EYS: variants seen among roughly 807,000 people sequenced by gnomAD.
EYS encodes protein eyes shut homolog.
Under a neutral mutation model 282.1 loss-of-function variants are expected in EYS, and 250 were observed. The ratio of observed to expected loss-of-function variants is 0.89; its 90% CI spans 0.80 to 0.98. The LOEUF is 0.98. Among genes scored for constraint, EYS ranks in the 50% least tolerant of loss-of-function variants. The pLI, the probability that EYS is intolerant of heterozygous loss-of-function variation, is 0.00. For missense variants in EYS, 4,016 were observed against 3,709.0 expected (o/e 1.08, Z -2.15); for synonymous variants, 1,355 against 1,282.9 (o/e 1.06, Z -1.20).
rs767666222 is a variant in EYS, at chr6:64,232,787, AATAAT to A, written c.6192-1968_6192-1964del. On this transcript the variant is annotated intron_variant, in intron 30 of 42. Coordinates refer to ENST00000503581, the MANE Select transcript of EYS (RefSeq NM_001142800.2). ...CATTATGTAACTCTTTAGTTTTATA[AATAAT>A]ATAAGTTCTAACACTTTTGATATAA... is the stretch of plus-strand genomic sequence containing the variant. Among the ~76,000 whole-genome samples the A allele has an allele frequency of 1.5e-3, 235 of 152,258 alleles. 1 individual carries two copies. Among genetic ancestry groups the A allele is most frequent in the Middle Eastern group, 3.4e-3 (1 of 294 alleles).
intron 5 of EYS, among the ~76,000 whole-genome samples, chr6:65,428,302 T>C (rs1380043847): frequency 1.3e-5 from 2 of 152,108 alleles, no homozygotes; most frequent in Non-Finnish European, 2.9e-5. Context: ...ATAAAAGCAA[T>C]GTTAAAAAGT....
At chr6:64,480,172 C>T (rs192700818) in intron 26 of EYS, among the ~76,000 whole-genome samples, 29 of 151,990 alleles carry the variant, frequency 1.9e-4, no homozygotes, top group Admixed American at 1.2e-3. Flanking sequence ...ATGTAATACT[C>T]ATTGAAGATT....
intron 24 of EYS, among the ~76,000 whole-genome samples, chr6:64,597,508 A>T (rs1766624447): frequency 6.6e-6 from 1 of 152,198 alleles, no homozygotes; most frequent in Non-Finnish European, 1.5e-5. Context: ...ATATATACAC[A>T]ATGGAATACT....
chr6:64,999,546 C>T (rs1387877039), intron 13 of EYS, among the ~76,000 whole-genome samples: 1 of 152,178 alleles, frequency 6.6e-6, no homozygotes, highest in African/African-American at 2.4e-5. Context: ...GGCACTCCTG[C>T]CTTTATGCCA....
intron 22 of EYS, among the ~76,000 whole-genome samples, chr6:64,791,248 A>C (rs2150000419): frequency 6.6e-6 from 1 of 151,998 alleles, no homozygotes; most frequent in Non-Finnish European, 1.5e-5. Context: ...GCAAGACGAA[A>C]AAATACATAC....
At chr6:65,139,223 C>T (rs1044070828) in intron 12 of EYS, among the ~76,000 whole-genome samples, 3 of 152,000 alleles carry the variant, frequency 2.0e-5, no homozygotes, top group African/African-American at 4.8e-5. Flanking sequence ...AAATGTGGTA[C>T]ACATACACCA....
chr6:64,884,905 A>G (rs538276301), intron 19 of EYS, among the ~76,000 whole-genome samples: 5 of 151,666 alleles, frequency 3.3e-5, no homozygotes, highest in Non-Finnish European at 7.4e-5. Flanking sequence ...GCTCAGTGAC[A>G]TATTAGCAGG....
At chr6:64,968,354 A>G (rs2150109778) in intron 14 of EYS, among the ~76,000 whole-genome samples, 1 of 152,314 alleles carries the variant, frequency 6.6e-6, no homozygotes, top group South Asian at 2.1e-4. Flanking sequence ...TTATATTTTC[A>G]AAACTTGTTT....
At chr6:64,744,359 G>T (rs1772481240) in intron 22 of EYS, among the ~76,000 whole-genome samples, 1 of 152,140 alleles carries the variant, frequency 6.6e-6, no homozygotes, top group Non-Finnish European at 1.5e-5. Context: ...CTTGTTTTGT[G>T]CTTCTAAGCC....
chr6:65,416,562 T>C (rs1767246144), intron 5 of EYS, among the ~76,000 whole-genome samples: 1 of 151,980 alleles, frequency 6.6e-6, no homozygotes. Flanking sequence ...AGCTCTGCTA[T>C]CCTAACAATG....
intron 40 of EYS, among the ~76,000 whole-genome samples, chr6:63,770,452 C>T (rs1469097762): frequency 6.6e-6 from 1 of 152,042 alleles, no homozygotes; most frequent in African/African-American, 2.4e-5. Context: ...AGCAAAAGCA[C>T]AGACACAAAA....
chr6:64,345,709 A>T (rs895868405), intron 29 of EYS, among the ~76,000 whole-genome samples: 2 of 152,154 alleles, frequency 1.3e-5, no homozygotes, highest in African/African-American at 4.8e-5. Flanking sequence ...ATGGGATCTA[A>T]TTAAACTAAA....
chr6:64,277,830 T>C lies in EYS; in HGVS notation c.6191+29140A>G, dbSNP rs147075076. On this transcript the variant is annotated intron_variant, in intron 30 of 42. Coordinates refer to ENST00000503581, the MANE Select transcript of EYS (RefSeq NM_001142800.2). ...ATCCTAGGCTAAAATTCTGAGCAAA[T>C]AGCATCTAGTCTAATCCATACTTTT... is the stretch of plus-strand genomic sequence containing the variant. Among the ~76,000 whole-genome samples the C allele has an allele frequency of 6.6e-3, 1,010 of 152,244 alleles. 9 individuals carry two copies. The highest frequency in any genetic ancestry group is 0.023 in the African/African-American group (953 of 41,562).
chr6:64,366,492 A>C (rs1271012006), intron 29 of EYS, among the ~76,000 whole-genome samples: 2 of 152,092 alleles, frequency 1.3e-5, no homozygotes, highest in Admixed American at 6.6e-5. Flanking sequence ...CATTTAAAAA[A>C]TTTGTCATTT....
At chr6:63,877,246 T>A (rs1160285884) in intron 35 of EYS, among the ~76,000 whole-genome samples, 1 of 152,168 alleles carries the variant, frequency 6.6e-6, no homozygotes, top group African/African-American at 2.4e-5. Flanking sequence ...TTTGGCTGGA[T>A]ATGAAATTCT....
chr6:64,359,522 T>G (rs1294390456), intron 29 of EYS, among the ~76,000 whole-genome samples: 1 of 151,678 alleles, frequency 6.6e-6, no homozygotes, highest in East Asian at 2.0e-4. Context: ...TATAACCACT[T>G]CATTAGTCCT....
At chr6:64,666,480 T>C (rs1473514693) in intron 22 of EYS, among the ~76,000 whole-genome samples, 1 of 152,232 alleles carries the variant, frequency 6.6e-6, no homozygotes, top group Non-Finnish European at 1.5e-5. Context: ...TCCCATGACA[T>C]TCCCATTCCA....
chr6:64,069,715 T>C (rs1309242234), intron 32 of EYS, among the ~76,000 whole-genome samples: 2 of 151,934 alleles, frequency 1.3e-5, no homozygotes, highest in Non-Finnish European at 2.9e-5. Context: ...ATGAAATGAG[T>C]GGTTCTCAAA....
intron 24 of EYS, among the ~76,000 whole-genome samples, chr6:64,611,655 C>T (rs934254406): frequency 2.0e-5 from 3 of 151,992 alleles, no homozygotes; most frequent in East Asian, 1.9e-4. Flanking sequence ...AAATTTCACC[C>T]GAATAAGAGC....
Sources: gnomAD v4.1 joint callset for allele counts (sites outside exome capture counted in the v4.1 genomes callset) on GRCh38, gnomAD v4.1.1 for gene constraint, MANE v1.5 for transcripts, NCBI Gene and HGNC (gene_info 2026-07-23, HGNC 2026-07-21) for gene names.